SLIT2: variants seen among roughly 807,000 people sequenced by gnomAD.
SLIT2 encodes slit homolog 2 protein.
SLIT2 carries 41 observed loss-of-function variants against 185.7 expected under a neutral mutation model. The ratio of observed to expected loss-of-function variants is 0.22; its 90% CI spans 0.17 to 0.29. The LOEUF is 0.29. Ranked by LOEUF, SLIT2 falls within the 10% of genes least tolerant of loss-of-function variation. The pLI is 1.00. For missense variants in SLIT2, 1,571 were observed against 1,909.0 expected, an observed-to-expected ratio of 0.82 and a Z score of 3.30; for synonymous variants, 693 against 680.2, an observed-to-expected ratio of 1.02 and a Z score of -0.29.
chr4:20,549,075 T>C lies in SLIT2; in HGVS notation c.2436T>C (p.Arg812=). Residue 812 remains arginine (R), a synonymous_variant, in exon 24 of 37, where the codon CGT becomes CGC. Coordinates refer to ENST00000504154, the MANE Select transcript of SLIT2 (RefSeq NM_004787.4). ...QLLTLILSYN[R]LRCIPPRTFD... is the part of the protein sequence containing the mutation. ...CTTTCAGAATTCTTAGTTACAACCG[T>C]CTGAGATGTATTCCTCCTCGCACCT... The C allele has an allele frequency of 6.2e-7, 1 of 1,600,242 alleles. No homozygotes were observed. Among genetic ancestry groups the C allele is most frequent in the Non-Finnish European group, 8.6e-7 (1 of 1,167,786 alleles).
intron 31 of SLIT2, 114 bp downstream of exon 31, chr4:20,595,948 G>A (rs2148958289): frequency 2.2e-6 from 2 of 910,050 alleles, no homozygotes; most frequent in Non-Finnish European, 3.3e-6. Context: ...AGTATAACTG[G>A]ATTGTTTGTA....
At chr4:20,591,021 A>G (rs1229860690) in intron 30 of SLIT2, among the ~76,000 whole-genome samples, 4 of 152,214 alleles carry the variant, frequency 2.6e-5, no homozygotes, top group Non-Finnish European at 5.9e-5. Flanking sequence ...ACAGGGGTTG[A>G]GCTGTGCTTT....
chr4:20,292,930 G>A (rs879896245), intron 4 of SLIT2, among the ~76,000 whole-genome samples: 5 of 152,276 alleles, frequency 3.3e-5, no homozygotes, highest in South Asian at 2.1e-4. Flanking sequence ...CAACATGTGG[G>A]TCCCACAGGA....
chr4:20,316,796 T>A (rs1300878836), intron 4 of SLIT2, among the ~76,000 whole-genome samples: 1 of 151,306 alleles, frequency 6.6e-6, no homozygotes, highest in Non-Finnish European at 1.5e-5. Flanking sequence ...GGTAGCATTA[T>A]TATATTCCTG....
intron 4 of SLIT2, among the ~76,000 whole-genome samples, chr4:20,420,070 T>C (rs1728050900): frequency 6.6e-6 from 1 of 152,206 alleles, no homozygotes; most frequent in Non-Finnish European, 1.5e-5. Context: ...TGATAACCAC[T>C]GTCTCTAATA....
At chr4:20,447,001 A>G (rs1368830726) in intron 4 of SLIT2, among the ~76,000 whole-genome samples, 1 of 152,224 alleles carries the variant, frequency 6.6e-6, no homozygotes, top group Non-Finnish European at 1.5e-5. Context: ...CAATCTAGGA[A>G]TCCGTGCTAT....
At chr4:20,454,602 T>G (rs1473281533) in intron 4 of SLIT2, among the ~76,000 whole-genome samples, 1 of 152,196 alleles carries the variant, frequency 6.6e-6, no homozygotes, top group Non-Finnish European at 1.5e-5. Context: ...TAAGAGAGGT[T>G]AAACCATGAA....
intron 4 of SLIT2, among the ~76,000 whole-genome samples, chr4:20,271,295 T>C (rs2109033526): frequency 6.6e-6 from 1 of 150,756 alleles, no homozygotes; most frequent in African/African-American, 2.4e-5. Context: ...AGGAAAGTAT[T>C]TGATAGTTGA....
At chr4:20,303,903 T>A (rs747484400) in intron 4 of SLIT2, among the ~76,000 whole-genome samples, 1 of 152,166 alleles carries the variant, frequency 6.6e-6, no homozygotes, top group Non-Finnish European at 1.5e-5. Flanking sequence ...TGATAGGAGA[T>A]GAACCTTGGA....
At chr4:20,463,948 T>G (rs2148735583) in intron 4 of SLIT2, among the ~76,000 whole-genome samples, 1 of 152,124 alleles carries the variant, frequency 6.6e-6, no homozygotes, top group African/African-American at 2.4e-5. Context: ...ATTTCCCAAC[T>G]TCATTAATGG....
At chr4:20,499,035 C>T (rs1718474901) in intron 9 of SLIT2, among the ~76,000 whole-genome samples, 1 of 152,180 alleles carries the variant, frequency 6.6e-6, no homozygotes, top group Non-Finnish European at 1.5e-5. Flanking sequence ...TGCATTCCTA[C>T]CAACAGTGTA....
Position 20,539,884 on chromosome 4 carries a change from T to C in SLIT2, c.1976+300T>C, listed in dbSNP as rs150468665. On this transcript the variant is annotated intron_variant, in intron 19 of 36. Transcript: ENST00000504154. ...TATTATAACTTGATAGTGCTGCATATAAAAGAAATGTTATAGATTTTTGCC... is the reference window on the plus strand; with the variant it reads ...TATTATAACTTGATAGTGCTGCATACAAAAGAAATGTTATAGATTTTTGCC... Among the ~76,000 whole-genome samples the C allele has an allele frequency of 8.7e-3, 1,329 of 152,252 alleles. 17 individuals carry two copies. The highest frequency in any genetic ancestry group is 0.027 in the African/African-American group (1,108 of 41,548).
At chr4:20,440,418 G>C (rs1467760314) in intron 4 of SLIT2, among the ~76,000 whole-genome samples, 1 of 152,146 alleles carries the variant, frequency 6.6e-6, no homozygotes. Context: ...GATTGGATAT[G>C]CTTATGTTGC....
At chr4:20,598,575 G>A (rs991432333) in intron 33 of SLIT2, among the ~76,000 whole-genome samples, 180 bp downstream of exon 33, 1 of 152,132 alleles carries the variant, frequency 6.6e-6, no homozygotes, top group African/African-American at 2.4e-5. Flanking sequence ...GAGAGTGTGA[G>A]GAGGGATTTG....
intron 29 of SLIT2, among the ~76,000 whole-genome samples, chr4:20,587,883 T>C (rs1727193732): frequency 6.6e-6 from 1 of 152,236 alleles, no homozygotes; most frequent in Non-Finnish European, 1.5e-5. Flanking sequence ...CAGTTTCTTA[T>C]TTAGGCATAA....
At chr4:20,286,881 A>G (rs1050485125) in intron 4 of SLIT2, among the ~76,000 whole-genome samples, 1 of 152,194 alleles carries the variant, frequency 6.6e-6, no homozygotes, top group Non-Finnish European at 1.5e-5. Flanking sequence ...TAGATTTAAT[A>G]AAACATTTTT....
chr4:20,280,194 G>A (rs1303018638), intron 4 of SLIT2, among the ~76,000 whole-genome samples: 7 of 151,938 alleles, frequency 4.6e-5, no homozygotes, highest in African/African-American at 1.2e-4. Context: ...TTAGCTGGGC[G>A]TGGTGGCGGG....
At chr4:20,555,913 T>C (rs1312260035) in intron 26 of SLIT2, among the ~76,000 whole-genome samples, 5 of 151,938 alleles carry the variant, frequency 3.3e-5, no homozygotes, top group Non-Finnish European at 7.3e-5. Context: ...GAAAATTGTG[T>C]CATTTTTTTG....
intron 11 of SLIT2, among the ~76,000 whole-genome samples, chr4:20,511,595 T>TTTTTTTTTTA (rs1211611464): frequency 7.3e-6 from 1 of 137,830 alleles, no homozygotes; most frequent in African/African-American, 2.7e-5. Context: ...TAATTTTTTT[T>TTTTTTTTTTA]TTTTTTTTAT....
Sources: gnomAD v4.1 joint callset for allele counts (sites outside exome capture counted in the v4.1 genomes callset) on GRCh38, gnomAD v4.1.1 for gene constraint, MANE v1.5 for transcripts, NCBI Gene and HGNC (gene_info 2026-07-23, HGNC 2026-07-21) for gene names.